The following KEAP1 variants were observed in gnomAD, a reference collection of about 807,000 sequenced individuals.
The protein encoded by KEAP1 is kelch-like ECH-associated protein 1.
In KEAP1, 26 loss-of-function variants were observed where a neutral mutation model predicts 59.7. The ratio of observed to expected loss-of-function variants is 0.44; its 90% confidence interval spans 0.32 to 0.60. KEAP1 has a LOEUF of 0.60. Ranked by LOEUF, KEAP1 falls within the 20% of genes least tolerant of loss-of-function variation. The pLI, the probability that KEAP1 is intolerant of heterozygous loss-of-function variation, is 0.06. For missense variants in KEAP1, 539 were observed against 871.4 expected (o/e 0.62, Z 4.80); for synonymous variants, 350 against 358.3 (o/e 0.98, Z 0.26).
chr19:10,489,298 C>G lies in KEAP1; in HGVS notation c.1602G>C (p.Val534=). Residue 534 remains valine (V), a synonymous_variant, in exon 5 of 6, where the codon GTG becomes GTC. Transcript: ENST00000171111. ...TCTCTGTTTCCACATCGTAGCGCTC[C>G]ACGCTGTTCAGCTGGTCCTGACCAT... ...GYDGQDQLNS[V]ERYDVETETW... The G allele has an allele frequency of 1.9e-6, 3 of 1,614,020 alleles. No homozygotes were observed. The highest frequency in any genetic ancestry group is 2.5e-6 in the Non-Finnish European group (3 of 1,180,006).
At chr19:10,501,779 T>C (rs542911566) in intron 1 of KEAP1, among the ~76,000 whole-genome samples, 2 of 152,160 alleles carry the variant, frequency 1.3e-5, no homozygotes, top group East Asian at 3.9e-4. Context: ...CCTCCTGGCC[T>C]CAAGTGATCC....
intron 5 of KEAP1, among the ~76,000 whole-genome samples, chr19:10,487,655 AAAATAAAT>A (rs568931061): frequency 1.3e-5 from 2 of 151,828 alleles, no homozygotes; most frequent in Admixed American, 6.6e-5. Context: ...ACTCCACCTC[AAAATAAAT>A]AAATAAATAA....
At chr19:10,500,285 T>C (rs1209720610) in intron 1 of KEAP1, among the ~76,000 whole-genome samples, 2 of 152,214 alleles carry the variant, frequency 1.3e-5, no homozygotes, top group Non-Finnish European at 2.9e-5. Flanking sequence ...CATGAAGTCA[T>C]GTCTCTCCCC....
intron 2 of KEAP1, chr19:10,492,854 C>T (rs1250992386): frequency 6.6e-6 from 1 of 151,832 alleles, no homozygotes; most frequent in Non-Finnish European, 1.5e-5. Flanking sequence ...CAGAGTCTCA[C>T]TCTGTCACCC....
intron 5 of KEAP1, 73 bp downstream of exon 5, chr19:10,489,119 A>AT: frequency 3.9e-6 from 4 of 1,023,008 alleles, no homozygotes; most frequent in Non-Finnish European, 5.4e-6. Context: ...AAAAAAAAAA[A>AT]AGGAAAGCAA....
intron 2 of KEAP1, among the ~76,000 whole-genome samples, chr19:10,497,140 G>T (rs1240947910): frequency 6.7e-6 from 1 of 149,368 alleles, no homozygotes; most frequent in African/African-American, 2.5e-5. Flanking sequence ...AAAAAAAAAA[G>T]TTGTCAGGCA....
chr19:10,501,507 G>A lies in KEAP1; in HGVS notation c.-47-1427C>T, dbSNP rs149708113. On this transcript the variant is annotated intron_variant, in intron 1 of 5. Transcript: ENST00000171111. Reference sequence around the variant, plus strand: ...TAGCCGGGTGTGGCGGCGGGCGCCTGTAGTCCCAGCTACATGGGAGGCTGA... The same window carrying A: ...TAGCCGGGTGTGGCGGCGGGCGCCTATAGTCCCAGCTACATGGGAGGCTGA... Among the ~76,000 whole-genome samples the A allele has an allele frequency of 3.3e-3, 493 of 151,336 alleles. 6 individuals carry two copies. Among genetic ancestry groups the A allele is most frequent in the African/African-American group, 0.011 (467 of 41,332 alleles).
chr19:10,501,588 C>T (rs1184149314), intron 1 of KEAP1, among the ~76,000 whole-genome samples: 4 of 152,086 alleles, frequency 2.6e-5, no homozygotes, highest in Non-Finnish European at 4.4e-5. Context: ...CGAGATCGCA[C>T]CACTGCATTC....
rs1273336893 is a variant in KEAP1, at chr19:10,499,328, G to A, written c.639+67C>T. The A allele has an allele frequency of 4.4e-6, 6 of 1,366,652 alleles. No homozygotes were observed. The highest frequency in any genetic ancestry group is 5.0e-6 in the Non-Finnish European group (5 of 1,006,180). The allele number at this position is 1,366,652 out of a possible 1,614,324, so 84.7% of individuals were successfully genotyped here. ...TGCCTTGACATCTCAAGGGGAGACAGTGATGAGCACTCGTCCATCCCTGGT... is the reference window on the plus strand; with the variant it reads ...TGCCTTGACATCTCAAGGGGAGACAATGATGAGCACTCGTCCATCCCTGGT... On this transcript the variant is annotated intron_variant, in intron 2 of 5. Coordinates refer to ENST00000171111, the MANE Select transcript of KEAP1 (RefSeq NM_203500.2). This position sits in a 1 kb window ranked among gnomAD's most constrained non-coding sequence, Gnocchi z 6.7.
At chr19:10,489,909 A>G (rs1406803531) in intron 3 of KEAP1, 56 bp from the exon 4 acceptor site, 1 of 1,504,566 alleles carries the variant, frequency 6.6e-7, no homozygotes, top group Non-Finnish European at 9.1e-7. Context: ...CCTTCGTGGA[A>G]TACTTAAGGG....
intron 1 of KEAP1, among the ~76,000 whole-genome samples, chr19:10,500,755 C>T (rs192379717): frequency 4.0e-3 from 601 of 150,164 alleles, no homozygotes; most frequent in Admixed American, 0.012. Context: ...TCTTGGCTCA[C>T]TGCAACCTCC....
At chr19:10,497,007 C>T (rs1914873895) in intron 2 of KEAP1, among the ~76,000 whole-genome samples, 1 of 151,716 alleles carries the variant, frequency 6.6e-6, no homozygotes, top group Admixed American at 6.6e-5. Flanking sequence ...ACCTGTAATC[C>T]CAGCTACTTG....
chr19:10,497,890 CT>C (rs1208477646), intron 2 of KEAP1, among the ~76,000 whole-genome samples: 4 of 152,052 alleles, frequency 2.6e-5, no homozygotes, highest in African/African-American at 7.2e-5. Flanking sequence ...AAGACCTCAT[CT>C]CTTCAAAAAC....
chr19:10,494,986 T>G (rs1599487212), intron 2 of KEAP1, among the ~76,000 whole-genome samples: 2 of 145,938 alleles, frequency 1.4e-5, no homozygotes, highest in African/African-American at 5.1e-5. Context: ...TGAGACAGAG[T>G]CTCACTCTGT....
chr19:10,493,161 A>AT (rs35058318), intron 2 of KEAP1, among the ~76,000 whole-genome samples: 1,430 of 129,050 alleles, frequency 0.011, 14 homozygotes, highest in Admixed American at 0.014. Flanking sequence ...AGAGCAGCTA[A>AT]TTTTTTTTTT....
At chr19:10,489,120 A>ATT (rs1259565580) in intron 5 of KEAP1, 72 bp downstream of exon 5, 15 of 920,552 alleles carry the variant, frequency 1.6e-5, no homozygotes, top group African/African-American at 1.9e-5. Flanking sequence ...AAAAAAAAAA[A>ATT]GGAAAGCAAA....
Position 10,502,286 on chromosome 19 carries a change from G to A in KEAP1, c.-48+955C>T, listed in dbSNP as rs1479980751. 6.6e-6 allele frequency: 1 copy of A among 152,338 alleles called. No homozygotes were observed. Among genetic ancestry groups the A allele is most frequent in the African/African-American group, 2.4e-5 (1 of 41,454 alleles). The allele number at this position is 152,338 out of a possible 1,614,324, so 9.4% of individuals were successfully genotyped here. Reference sequence around the variant, plus strand: ...GCCAATCGGTCAACAATGCCCCTTGGGCACCGGGCACTTCCCCCACCCTAC... The same window carrying A: ...GCCAATCGGTCAACAATGCCCCTTGAGCACCGGGCACTTCCCCCACCCTAC... On this transcript the variant is annotated intron_variant, in intron 1 of 5. Transcript: ENST00000171111. The surrounding 1 kb of genome is among the most constrained non-coding windows in gnomAD (Gnocchi z 4.0).
At position 10,499,579 on chromosome 19, in the gene KEAP1, A is replaced by G. The variant is rs2144626237; in HGVS notation, c.455T>C (p.Val152Ala). 6.2e-7 allele frequency: 1 copy of G among 1,614,116 alleles called. No individual in the cohort carries two copies. The highest frequency in any genetic ancestry group is 8.5e-7 in the Non-Finnish European group (1 of 1,180,034). ...GACAGCACCGTTCATGACGTGGAGG[A>G]CACACTTCTCGCCCATGGAGATGGA... ...TASISMGEKC[V>A]LHVMNGAVMY... Residue 152 changes from valine (V) to alanine (A), a missense_variant, in exon 2 of 6, where the codon GTC becomes GCC. This residue lies in a region of KEAP1 where 166 missense variants were observed against 295.8 expected (regional missense o/e 0.56). Coordinates refer to ENST00000171111, the MANE Select transcript of KEAP1 (RefSeq NM_203500.2). The surrounding 1 kb of genome is among the most constrained non-coding windows in gnomAD (Gnocchi z 6.7).
At chr19:10,487,276 GGCAGAGGTTGCAGTGA>G (rs1260661857) in intron 5 of KEAP1, among the ~76,000 whole-genome samples, 2 of 152,104 alleles carry the variant, frequency 1.3e-5, no homozygotes, top group Non-Finnish European at 2.9e-5. Context: ...GAGTCTGGGA[GGCAGAGGTTGCAGTGA>G]GCAGAGGCTG....
Sources: allele counts gnomAD v4.1 joint callset (sites outside exome capture counted in the v4.1 genomes callset), GRCh38; gene constraint gnomAD v4.1.1; regional missense constraint gnomAD v4.1.1; non-coding constraint Gnocchi (gnomAD v3.1); transcripts MANE v1.5; gene names NCBI Gene and HGNC (gene_info 2026-07-23, HGNC 2026-07-21).